Variants in TACC2 observed in about 807,000 individuals in gnomAD.
TACC2 encodes the protein transforming acidic coiled-coil-containing protein 2.
TACC2 carries 137 observed loss-of-function variants against 227.3 expected under a neutral mutation model. The ratio of observed to expected loss-of-function variants is 0.60; its 90% CI spans 0.52 to 0.69. TACC2 has a LOEUF of 0.69. Among genes scored for constraint, TACC2 ranks in the 30% least tolerant of loss-of-function variants. The pLI is 0.00. For synonymous variants in TACC2, 1,523 were observed against 1,487.5 expected, an observed-to-expected ratio of 1.02 and a Z score of -0.55; for missense variants, 3,470 against 3,694.4, an observed-to-expected ratio of 0.94 and a Z score of 1.57.
intron 6 of TACC2, among the ~76,000 whole-genome samples, chr10:122,138,092 TA>T (rs2089987585): frequency 6.6e-6 from 1 of 152,162 alleles, no homozygotes; most frequent in African/African-American, 2.4e-5. Context: ...TCATGTAGTT[TA>T]TTTTTTTTTT....
intron 11 of TACC2, among the ~76,000 whole-genome samples, chr10:122,222,274 A>G (rs1416796970): frequency 6.6e-6 from 1 of 152,220 alleles, no homozygotes; most frequent in Non-Finnish European, 1.5e-5. Context: ...GTTCAGGAAG[A>G]TGTTTTCTCA....
At chr10:122,049,185 A>G (rs1018133356) in intron 2 of TACC2, among the ~76,000 whole-genome samples, 7 of 152,230 alleles carry the variant, frequency 4.6e-5, no homozygotes, top group African/African-American at 1.7e-4. Flanking sequence ...GAAAAGGGCA[A>G]TGCATGCGGC....
chr10:122,009,113 A>G (rs1391205400), intron 1 of TACC2, among the ~76,000 whole-genome samples: 1 of 152,220 alleles, frequency 6.6e-6, no homozygotes, highest in Admixed American at 6.5e-5. Context: ...GGGCAGGTGC[A>G]TGAGAAAAAT....
At chr10:122,223,955 C>T (rs2095571881) in intron 11 of TACC2, among the ~76,000 whole-genome samples, 1 of 152,188 alleles carries the variant, frequency 6.6e-6, no homozygotes, top group African/African-American at 2.4e-5. Context: ...ATGCCTGGCA[C>T]TGTGCAAACC....
At chr10:122,235,392 A>AT (rs1201395010) in intron 16 of TACC2, among the ~76,000 whole-genome samples, 12 of 150,524 alleles carry the variant, frequency 8.0e-5, no homozygotes, top group Non-Finnish European at 3.0e-5. Flanking sequence ...CCGGCCCCCA[A>AT]TTTTTTTTTA....
intron 3 of TACC2, among the ~76,000 whole-genome samples, chr10:122,073,568 G>T (rs1372919604): frequency 6.6e-6 from 1 of 152,068 alleles, no homozygotes; most frequent in Non-Finnish European, 1.5e-5. Context: ...GTGTTCTGTG[G>T]CCCATCATCC....
intron 5 of TACC2, among the ~76,000 whole-genome samples, chr10:122,122,697 T>G (rs1373354044): frequency 6.6e-6 from 1 of 152,106 alleles, no homozygotes; most frequent in Non-Finnish European, 1.5e-5. Flanking sequence ...TCCTGTGCTC[T>G]TGGACGCGGG....
intron 5 of TACC2, among the ~76,000 whole-genome samples, chr10:122,118,677 C>G (rs187728967): frequency 1.3e-3 from 199 of 152,278 alleles, no homozygotes; most frequent in African/African-American, 4.7e-3. Flanking sequence ...ATCTGTAACT[C>G]TGCTAAGATG....
chr10:121,994,950 C>T (rs1049877257), intron 1 of TACC2, among the ~76,000 whole-genome samples: 13 of 152,178 alleles, frequency 8.5e-5, no homozygotes, highest in African/African-American at 3.1e-4. Flanking sequence ...ACCTCGATCT[C>T]TTCATTTGTG....
At chr10:122,224,636 C>A (rs1020218809) in intron 11 of TACC2, 90 bp from the exon 12 acceptor site, 5 of 1,162,158 alleles carry the variant, frequency 4.3e-6, no homozygotes, top group African/African-American at 1.5e-5. Flanking sequence ...TAGCTCCCAC[C>A]CTGCCTGGCT....
chr10:122,223,419 T>C (rs150936649), intron 11 of TACC2, among the ~76,000 whole-genome samples: 2 of 152,296 alleles, frequency 1.3e-5, no homozygotes, highest in Non-Finnish European at 2.9e-5. Context: ...ACCCTGGGGT[T>C]CAGGCTTGGT....
intron 2 of TACC2, among the ~76,000 whole-genome samples, chr10:122,044,179 T>A (rs1050831398): frequency 6.6e-6 from 1 of 152,270 alleles, no homozygotes. Context: ...TCGTGCTGTA[T>A]CACATCAGAA....
intron 8 of TACC2, 53 bp downstream of exon 8, chr10:122,195,229 G>C: frequency 2.7e-6 from 4 of 1,509,228 alleles, no homozygotes; most frequent in Non-Finnish European, 3.6e-6. Context: ...GTGAGCCCTG[G>C]GGGAGATTTG....
At position 122,032,575 on chromosome 10, in the gene TACC2, C is replaced by T. The variant is rs1237899051; in HGVS notation, c.33+10561C>T. On this transcript the variant is annotated intron_variant, in intron 2 of 22. Transcript: ENST00000369005. ...GGCCCTTGTGTACTTCATACACCTT[C>T]GGGCTTCTGGTTCCTCTTCTCTCTC... Among the ~76,000 whole-genome samples the T allele has an allele frequency of 3.3e-5, 5 of 152,260 alleles. No individual in the cohort carries two copies. The East Asian group carries it at 7.7e-4, about 24-fold the overall frequency.
intron 7 of TACC2, among the ~76,000 whole-genome samples, chr10:122,146,823 C>T (rs886419217): frequency 2.0e-5 from 3 of 152,144 alleles, no homozygotes; most frequent in South Asian, 2.1e-4. Context: ...AGGATCCCAT[C>T]CAGGAAACCA....
intron 3 of TACC2, among the ~76,000 whole-genome samples, chr10:122,081,574 G>A (rs1197162357): frequency 6.7e-6 from 1 of 150,034 alleles, no homozygotes; most frequent in Non-Finnish European, 1.5e-5. Flanking sequence ...GTAGAATTGA[G>A]CAACATAGTC....
At chr10:122,191,595 C>T (rs1421792028) in intron 7 of TACC2, among the ~76,000 whole-genome samples, 1 of 152,150 alleles carries the variant, frequency 6.6e-6, no homozygotes, top group Non-Finnish European at 1.5e-5. Context: ...CAAAGCTGTC[C>T]TGGGCCGCAT....
intron 1 of TACC2, among the ~76,000 whole-genome samples, chr10:122,018,531 A>T (rs1355201928): frequency 6.6e-6 from 1 of 152,126 alleles, no homozygotes; most frequent in African/African-American, 2.4e-5. Context: ...TCCTGTGCCC[A>T]TTAAGCCGAT....
intron 7 of TACC2, among the ~76,000 whole-genome samples, chr10:122,160,364 G>A (rs2092743129): frequency 6.6e-6 from 1 of 152,154 alleles, no homozygotes; most frequent in East Asian, 1.9e-4. Flanking sequence ...GTCGTGCTTA[G>A]GAGTAGTGGG....
Sources: allele counts gnomAD v4.1 joint callset (sites outside exome capture counted in the v4.1 genomes callset), GRCh38; gene constraint gnomAD v4.1.1; transcripts MANE v1.5; gene names NCBI Gene and HGNC (gene_info 2026-07-23, HGNC 2026-07-21).